The following GSAP variants were observed in gnomAD, a reference collection of about 807,000 sequenced individuals.
The protein encoded by GSAP is gamma-secretase activating protein, also known as gamma-secretase-activating protein.
In GSAP, 118 loss-of-function variants were observed where a neutral mutation model predicts 131.7. The observed-to-expected ratio is 0.90, with a 90% CI of 0.77 to 1.04. The LOEUF (loss-of-function observed/expected upper bound fraction) is 1.04. Among genes scored for constraint, GSAP ranks in the 50% least tolerant of loss-of-function variants. GSAP has a pLI of 0.00. For missense variants in GSAP, 1,019 were observed against 1,013.2 expected, an observed-to-expected ratio of 1.01 and a Z score of -0.08; for synonymous variants, 381 against 363.4, an observed-to-expected ratio of 1.05 and a Z score of -0.55.
chr7:77,371,105 T>G (rs1470613420), intron 12 of GSAP, among the ~76,000 whole-genome samples: 2 of 152,176 alleles, frequency 1.3e-5, no homozygotes, highest in Non-Finnish European at 2.9e-5. Flanking sequence ...TTGCCAGTCT[T>G]GACCCCTCTT....
At chr7:77,336,981 T>G (rs544961238) in intron 19 of GSAP, among the ~76,000 whole-genome samples, 3 of 152,170 alleles carry the variant, frequency 2.0e-5, no homozygotes, top group Non-Finnish European at 2.9e-5. Context: ...ATGCTACATC[T>G]TTGTCAAAGC....
intron 18 of GSAP, chr7:77,351,821 C>T: frequency 1.7e-6 from 1 of 572,646 alleles, no homozygotes; most frequent in Non-Finnish European, 2.2e-6. Flanking sequence ...ACACTTTGAA[C>T]ACAGGACATA....
intron 12 of GSAP, among the ~76,000 whole-genome samples, chr7:77,370,364 G>A (rs903709023): frequency 6.6e-6 from 1 of 152,168 alleles, no homozygotes; most frequent in African/African-American, 2.4e-5. Context: ...GGAAGGCTGA[G>A]GCAAGAGAAT....
At chr7:77,372,784 G>A (rs1796330527) in intron 12 of GSAP, among the ~76,000 whole-genome samples, 1 of 152,210 alleles carries the variant, frequency 6.6e-6, no homozygotes, top group Admixed American at 6.5e-5. Context: ...TTAGGATAAA[G>A]TCTAAAATCC....
In GSAP at chr7:77,416,249, C is replaced by T. The variant is rs1194353017; in HGVS notation, c.73G>A (p.Val25Met). Reference sequence around the variant, plus strand: ...CTTCCGGCCCCGCTGGCCTCCGACACTGCCCGCTGCGCCCGCAACCACGGG... The same window carrying T: ...CTTCCGGCCCCGCTGGCCTCCGACATTGCCCGCTGCGCCCGCAACCACGGG... ...VLPWLRAQRAVSEASGAGSGG... is the reference protein window; with the variant it reads ...VLPWLRAQRAMSEASGAGSGG... The change falls in exon 1 of 31, where the codon GTG becomes ATG. Residue 25 changes from valine to methionine, a missense_variant. Transcript: ENST00000257626. The T allele has an allele frequency of 3.3e-6, 5 of 1,494,010 alleles. No homozygotes were observed. The highest frequency in any genetic ancestry group is 2.5e-5 in the South Asian group (2 of 78,844). The allele number at this position is 1,494,010 out of a possible 1,614,324, so 92.5% of individuals were successfully genotyped here. A position where few individuals can be genotyped will look rare whatever the true frequency, so the allele number is the denominator to read the frequency against.
chr7:77,384,991 T>C (rs1016235791), intron 6 of GSAP, among the ~76,000 whole-genome samples: 15 of 152,150 alleles, frequency 9.9e-5, no homozygotes, highest in African/African-American at 3.6e-4. Context: ...GTTGGGACTT[T>C]TCCTTTGGCC....
At chr7:77,331,680 G>A (rs976645277) in intron 19 of GSAP, 1 of 152,068 alleles carries the variant, frequency 6.6e-6, no homozygotes, top group African/African-American at 2.4e-5. Flanking sequence ...ATTAAAACTT[G>A]CTCTTTCAGA....
intron 19 of GSAP, among the ~76,000 whole-genome samples, chr7:77,334,354 A>T (rs1249376820): frequency 6.6e-6 from 1 of 152,060 alleles, no homozygotes; most frequent in Non-Finnish European, 1.5e-5. Context: ...GTTCTCACTT[A>T]TAAGTAGGAG....
In GSAP at chr7:77,322,589, T is replaced by TG. The variant is rs1287639996; in HGVS notation, c.1923+1057_1923+1058insC. 2.5e-4 allele frequency among the ~76,000 whole-genome samples: 33 copies of TG among 133,956 alleles called. 1 individual carries two copies. Among genetic ancestry groups the TG allele is most frequent in the African/African-American group, 8.0e-4 (30 of 37,410 alleles). 87.9% of individuals were successfully genotyped at this position (133,956 alleles called of 152,430 possible). On this transcript the variant is annotated intron_variant, in intron 24 of 30. Coordinates refer to ENST00000257626, the MANE Select transcript of GSAP (RefSeq NM_017439.4). Reference sequence around the variant, plus strand: ...AATCACTGTGTGTTGTGAGTTTTTTTTTTTTTTTTTTTTTTAAAGCAAGTT... The same window carrying TG: ...AATCACTGTGTGTTGTGAGTTTTTTTGTTTTTTTTTTTTTTTAAAGCAAGTT...
intron 5 of GSAP, among the ~76,000 whole-genome samples, chr7:77,390,481 C>T (rs1799296279): frequency 6.6e-6 from 1 of 152,098 alleles, no homozygotes; most frequent in Non-Finnish European, 1.5e-5. Context: ...AGGAAGGGAT[C>T]CAGTTTCAGC....
At chr7:77,390,054 ATG>A (rs1293941948) in intron 5 of GSAP, among the ~76,000 whole-genome samples, 1 of 152,108 alleles carries the variant, frequency 6.6e-6, no homozygotes, top group African/African-American at 2.4e-5. Flanking sequence ...GCATTTTTTC[ATG>A]TGTTTTTTGG....
rs1018471595 is a variant in GSAP, at chr7:77,330,133, G to A, written c.1674+106C>T. 6.2e-6 allele frequency: 8 copies of A among 1,298,036 alleles called. No homozygotes were observed. The African/African-American group carries it at 9.1e-5, about 15-fold the overall frequency. The allele number at this position is 1,298,036 out of a possible 1,614,324, so 80.4% of individuals were successfully genotyped here. ...GACAATGATCAAGTCCCTGGCAATT[G>A]GGAAGAGTGCTGCACATGGAAGCCA... On this transcript the variant is annotated intron_variant, in intron 20 of 30. Coordinates refer to ENST00000257626, the MANE Select transcript of GSAP (RefSeq NM_017439.4).
At chr7:77,326,307 G>C (rs759367806) in intron 22 of GSAP, 34 bp from the exon 23 acceptor site, 1 of 1,472,184 alleles carries the variant, frequency 6.8e-7, no homozygotes, top group East Asian at 2.3e-5. Flanking sequence ...TAGGCTCTGA[G>C]CAGTTTTCAG....
intron 12 of GSAP, among the ~76,000 whole-genome samples, chr7:77,368,730 A>G (rs908129087): frequency 2.0e-5 from 3 of 152,236 alleles, no homozygotes; most frequent in African/African-American, 7.2e-5. Flanking sequence ...ATCTGTAAAT[A>G]AAGAAAATAT....
intron 1 of GSAP, among the ~76,000 whole-genome samples, chr7:77,412,039 C>T (rs112192339): frequency 0.038 from 5,798 of 152,138 alleles, 181 homozygotes; most frequent in Non-Finnish European, 0.057. Flanking sequence ...ATTAGCTGGG[C>T]GTGGCAGCAT....
chr7:77,330,248 G>A lies in GSAP; in HGVS notation c.1665C>T (p.Ile555=), dbSNP rs762566806. ...ACTGACCCACTCATACCTCTTCAGAGATCAGGTTGTGCCACTCTCTCCTGA... is the reference window on the plus strand; with the variant it reads ...ACTGACCCACTCATACCTCTTCAGAAATCAGGTTGTGCCACTCTCTCCTGA... ...SVVRREWHNL[I]SEEKTGKRRS... is the part of the protein sequence containing the mutation. Residue 555 remains isoleucine, a synonymous_variant, in exon 20 of 31, where the codon ATC becomes ATT. Coordinates refer to ENST00000257626, the MANE Select transcript of GSAP (RefSeq NM_017439.4). 6.2e-7 allele frequency: 1 copy of A among 1,612,334 alleles called. No individual in the cohort carries two copies. Among genetic ancestry groups the A allele is most frequent in the Non-Finnish European group, 8.5e-7 (1 of 1,179,090 alleles).
intron 8 of GSAP, chr7:77,379,714 A>T (rs1306346559): frequency 5.1e-6 from 1 of 197,984 alleles, no homozygotes; most frequent in Non-Finnish European, 9.1e-6. Context: ...TTCAGCCTTG[A>T]TCTTTCCTCT....
chr7:77,337,207 C>A (rs952776818), intron 19 of GSAP, among the ~76,000 whole-genome samples: 2 of 143,672 alleles, frequency 1.4e-5, no homozygotes, highest in Admixed American at 1.5e-4. Context: ...AGCTGGAGTG[C>A]AGTGGCACTA....
chr7:77,406,416 G>T (rs1007431366), intron 1 of GSAP, among the ~76,000 whole-genome samples: 1 of 152,128 alleles, frequency 6.6e-6, no homozygotes, highest in African/African-American at 2.4e-5. Context: ...CTGTGTGAAT[G>T]TTATACAATA....
Sources: allele counts gnomAD v4.1 joint callset (sites outside exome capture counted in the v4.1 genomes callset), GRCh38; gene constraint gnomAD v4.1.1; transcripts MANE v1.5; gene names NCBI Gene and HGNC (gene_info 2026-07-23, HGNC 2026-07-21).